The following FOXF1 variants were observed in gnomAD, a reference collection of about 807,000 sequenced individuals.
FOXF1 encodes the protein forkhead box protein F1.
In FOXF1, 9 loss-of-function variants were observed where a neutral mutation model predicts 26.6. The ratio of observed to expected loss-of-function variants is 0.34; its 90% CI spans 0.20 to 0.59. The LOEUF is 0.59. Among genes scored for constraint, FOXF1 ranks in the 20% least tolerant of loss-of-function variants. FOXF1 has a pLI of 0.83. For missense variants in FOXF1, 499 were observed against 549.9 expected, an observed-to-expected ratio of 0.91 and a Z score of 0.93; for synonymous variants, 330 against 257.7, an observed-to-expected ratio of 1.28 and a Z score of -2.69.
chr16:86,511,217 G>T lies in FOXF1; in HGVS notation c.648G>T (p.Leu216=). The change falls in exon 1 of 2, where the codon CTG becomes CTT. Residue 216 remains leucine, a synonymous_variant. Coordinates refer to ENST00000262426, the MANE Select transcript of FOXF1 (RefSeq NM_001451.3). ...TGCCCAGCCACTCGGTGCCCCACCT[G>T]CCTTCCAACGGCGGCCACTCGTACA... The part of the protein sequence containing the change: ...MALPSHSVPH[L]PSNGGHSYMG... 1 of 1,540,012 alleles carries T rather than the reference G, an allele frequency of 6.5e-7. No homozygotes were observed. Among genetic ancestry groups the T allele is most frequent in the Non-Finnish European group, 8.7e-7 (1 of 1,149,214 alleles).
chr16:86,511,376 C>G lies in FOXF1; in HGVS notation c.807C>G (p.Ala269=), dbSNP rs763809626. Residue 269 remains alanine (A), a synonymous_variant, in exon 1 of 2, where the codon GCC becomes GCG. Transcript: ENST00000262426. ...PHAVYSGSAA[A]WPPSASAALN... is the part of the protein sequence containing the mutation. ...CCGTCTACTCGGGCTCGGCGGCGGC[C>G]TGGCCGCCCTCGGCGTCCGCGGCGC... is the stretch of plus-strand genomic sequence containing the variant. 72 of 1,580,230 alleles carry G rather than the reference C, an allele frequency of 4.6e-5. No homozygotes were observed. The highest frequency in any genetic ancestry group is 6.0e-5 in the Non-Finnish European group (70 of 1,172,352).
Position 86,513,123 on chromosome 16 carries a change from G to A in FOXF1, c.*38G>A, listed in dbSNP as rs774468511. On this transcript the variant is annotated 3_prime_UTR_variant, in exon 2 of 2. Coordinates refer to ENST00000262426, the MANE Select transcript of FOXF1 (RefSeq NM_001451.3). The stretch of plus-strand genomic sequence containing the variant: ...AGGCCCTCCTGGTGCAGGCAGGCGG[G>A]TCACAGGGACCCTGGACCGGCACAA... The A allele has an allele frequency of 1.9e-6, 3 of 1,603,456 alleles. No individual in the cohort carries two copies. The highest frequency in any genetic ancestry group is 8.5e-7 in the Non-Finnish European group (1 of 1,177,884).
At chr16:86,511,886 G>T (rs1247061163) in intron 1 of FOXF1, among the ~76,000 whole-genome samples, 2 of 152,240 alleles carry the variant, frequency 1.3e-5, no homozygotes, top group African/African-American at 4.8e-5. Flanking sequence ...AGCTTGGAAA[G>T]ATCCTGGGAT....
chr16:86,511,196 C>T lies in FOXF1; in HGVS notation c.627C>T (p.Pro209=), dbSNP rs1057266102. 6 of 1,558,948 alleles carry T rather than the reference C, an allele frequency of 3.8e-6. No homozygotes were observed. The African/African-American group carries it at 5.5e-5, about 14-fold the overall frequency. Residue 209 remains proline (P), a synonymous_variant, in exon 1 of 2, where the codon CCC becomes CCT. Transcript: ENST00000262426. ...LPGNVDGMAL[P]SHSVPHLPSN... Reference sequence around the variant, plus strand: ...GCAACGTGGACGGCATGGCCCTGCCCAGCCACTCGGTGCCCCACCTGCCTT... The same window carrying T: ...GCAACGTGGACGGCATGGCCCTGCCTAGCCACTCGGTGCCCCACCTGCCTT...
rs1597292674 is a variant in FOXF1 at position 86,513,176 on chromosome 16, C to T, written c.*91C>T. The T allele has an allele frequency of 9.2e-6, 13 of 1,410,840 alleles. No individual in the cohort carries two copies. In the East Asian group the frequency reaches 2.4e-4, roughly 26 times the overall value. The allele number at this position is 1,410,840 out of a possible 1,614,324, so 87.4% of individuals were successfully genotyped here. On this transcript the variant is annotated 3_prime_UTR_variant, in exon 2 of 2. Coordinates refer to ENST00000262426, the MANE Select transcript of FOXF1 (RefSeq NM_001451.3). ...AACTGCTTTCTTCTCGAGGTATAAC[C>T]GTCGGCAGAAGAAAAGGGTTCCACC...
Position 86,510,624 on chromosome 16 carries a change from G to GGCC in FOXF1, c.57_58insCGC (p.Gly19_Gly20insArg), listed in dbSNP as rs891858940. ...ACCGCACGGCGGCGGCGGCGGCGGC[G>GGCC]GCGGGGGAGGCGGCGCGGCCATGGA... On this transcript the variant is annotated inframe_insertion, in exon 1 of 2. Transcript: ENST00000262426. The GGCC allele has an allele frequency of 7.1e-7, 1 of 1,398,958 alleles. No homozygotes were observed. Among genetic ancestry groups the GGCC allele is most frequent in the Non-Finnish European group, 9.2e-7 (1 of 1,084,688 alleles). 86.7% of individuals were successfully genotyped at this position (1,398,958 alleles called of 1,614,324 possible).
intron 1 of FOXF1, among the ~76,000 whole-genome samples, chr16:86,511,771 C>T (rs1398019934): frequency 6.6e-6 from 1 of 152,250 alleles, no homozygotes; most frequent in East Asian, 1.9e-4. Context: ...TCTGTTCGAA[C>T]TCCAGCTGCC....
In FOXF1 at chr16:86,510,776, G is replaced by A; in HGVS notation, c.207G>A (p.Leu69=). ...MAIQSSPTKR[L]TLSEIYQFLQ... ...TCCAGAGTTCACCCACCAAGCGCCT[G>A]ACGCTGAGCGAGATCTACCAGTTCC... is the stretch of plus-strand genomic sequence containing the variant. Residue 69 remains leucine (L), a synonymous_variant, in exon 1 of 2, where the codon CTG becomes CTA. Transcript: ENST00000262426. The A allele has an allele frequency of 1.2e-6, 2 of 1,614,148 alleles. No homozygotes were observed. Among genetic ancestry groups the A allele is most frequent in the Non-Finnish European group, 1.7e-6 (2 of 1,180,038 alleles).
At chr16:86,512,015 C>G (rs1257645895) in intron 1 of FOXF1, among the ~76,000 whole-genome samples, 1 of 152,216 alleles carries the variant, frequency 6.6e-6, no homozygotes. Flanking sequence ...AGGCCCAAAG[C>G]CGCTGGGCCA....
At chr16:86,512,881 A>T in intron 1 of FOXF1, 44 bp from the exon 2 acceptor site, 1 of 1,611,810 alleles carries the variant, frequency 6.2e-7, no homozygotes, top group Non-Finnish European at 8.5e-7. Context: ...CACCGTGGCT[A>T]ACTCTTCTGC....
intron 1 of FOXF1, among the ~76,000 whole-genome samples, chr16:86,512,301 G>GC (rs1969578212): frequency 6.6e-6 from 1 of 152,194 alleles, no homozygotes; most frequent in Admixed American, 6.5e-5. Context: ...TCTGCCCCAG[G>GC]CCCCCCGCAG....
Position 86,514,771 on chromosome 16 carries a change from A to T in FOXF1, c.*1686A>T, listed in dbSNP as rs1417625443. The stretch of plus-strand genomic sequence containing the variant: ...ACTATAGACCTCCTTCCCCTAGGGA[A>T]CACCAATTAAACCATATATGTGCAC... On this transcript the variant is annotated 3_prime_UTR_variant, in exon 2 of 2. Coordinates refer to ENST00000262426, the MANE Select transcript of FOXF1 (RefSeq NM_001451.3). The T allele has an allele frequency of 2.0e-5, 3 of 152,172 alleles. No individual in the cohort carries two copies. The highest frequency in any genetic ancestry group is 1.9e-4 in the East Asian group (1 of 5,202). 9.4% of individuals were successfully genotyped at this position (152,172 alleles called of 1,614,324 possible).
At position 86,513,529 on chromosome 16, in the gene FOXF1, T is replaced by G. The variant is rs1969600995; in HGVS notation, c.*444T>G. 6.3e-6 allele frequency: 1 copy of G among 158,112 alleles called. No individual in the cohort carries two copies. The highest frequency in any genetic ancestry group is 6.4e-5 in the Admixed American group (1 of 15,516). 9.8% of individuals were successfully genotyped at this position (158,112 alleles called of 1,614,324 possible). On this transcript the variant is annotated 3_prime_UTR_variant, in exon 2 of 2. Transcript: ENST00000262426. ...AATACTTTTATTTTTTGGTTGAGTATTTATCTTTTTATTTTTTATTTTTTT... is the reference window on the plus strand; with the variant it reads ...AATACTTTTATTTTTTGGTTGAGTAGTTATCTTTTTATTTTTTATTTTTTT...
intron 1 of FOXF1, among the ~76,000 whole-genome samples, chr16:86,512,313 C>T (rs1307915725): frequency 6.6e-6 from 1 of 152,250 alleles, no homozygotes; most frequent in Admixed American, 6.5e-5. Context: ...CCCCCGCAGC[C>T]TGCAGGCCCA....
chr16:86,511,510 T>A lies in FOXF1; in HGVS notation c.941T>A (p.Leu314Gln). 1 of 1,585,796 alleles carries A rather than the reference T, an allele frequency of 6.3e-7. No individual in the cohort carries two copies. The highest frequency in any genetic ancestry group is 8.5e-7 in the Non-Finnish European group (1 of 1,174,574). ...LSTHSLEQPY[L>Q]HQNSHNAPAE... ...ACGCACTCCCTGGAGCAGCCGTATC[T>A]GCACCAGAACAGCCACAACGCCCCA... is the stretch of plus-strand genomic sequence containing the variant. The change falls in exon 1 of 2, where the codon CTG becomes CAG. Residue 314 changes from leucine to glutamine, a missense_variant. By Grantham distance (113) the Leu-to-Gln change is moderately radical (BLOSUM62 -2). Transcript: ENST00000262426.
chr16:86,514,516 A>T lies in FOXF1; in HGVS notation c.*1431A>T, dbSNP rs747896224. Reference sequence around the variant, plus strand: ...CCAGACTCCCAAAGATAGAGGGGGGAAAAAAGAAAAAACAGGCTTTGGATC... The same window carrying T: ...CCAGACTCCCAAAGATAGAGGGGGGTAAAAAGAAAAAACAGGCTTTGGATC... On this transcript the variant is annotated 3_prime_UTR_variant, in exon 2 of 2. Transcript: ENST00000262426. 2 of 152,052 alleles carry T rather than the reference A, an allele frequency of 1.3e-5. No homozygotes were observed. Among genetic ancestry groups the T allele is most frequent in the African/African-American group, 4.8e-5 (2 of 41,380 alleles). The allele number at this position is 152,052 out of a possible 1,614,324, so 9.4% of individuals were successfully genotyped here. A position where few individuals can be genotyped will look rare whatever the true frequency, so the allele number is the denominator to read the frequency against.
chr16:86,512,214 C>T (rs1186620657), intron 1 of FOXF1, among the ~76,000 whole-genome samples: 1 of 152,184 alleles, frequency 6.6e-6, no homozygotes, highest in Non-Finnish European at 1.5e-5. Context: ...CCCACACCCC[C>T]AACACCCCTG....
At chr16:86,512,113 C>A (rs1342769131) in intron 1 of FOXF1, among the ~76,000 whole-genome samples, 1 of 152,246 alleles carries the variant, frequency 6.6e-6, no homozygotes, top group East Asian at 1.9e-4. Context: ...GTGACTGAGG[C>A]AGGAGGGTGC....
rs1346103105 is a variant in FOXF1, at chr16:86,510,857, G to C, written c.288G>C (p.Val96=). ...CCTACCAGGGCTGGAAGAACTCCGT[G>C]CGCCACAACCTCTCGCTCAACGAGT... ...RGSYQGWKNS[V]RHNLSLNECF... The change falls in exon 1 of 2, where the codon GTG becomes GTC. Residue 96 remains valine (V), a synonymous_variant. Transcript: ENST00000262426. The C allele has an allele frequency of 4.3e-6, 7 of 1,614,108 alleles. No homozygotes were observed. In the South Asian group the frequency reaches 6.6e-5, roughly 15 times the overall value.
Sources: allele counts gnomAD v4.1 joint callset (sites outside exome capture counted in the v4.1 genomes callset), GRCh38; gene constraint gnomAD v4.1.1; transcripts MANE v1.5; gene names NCBI Gene and HGNC (gene_info 2026-07-23, HGNC 2026-07-21).